The following DCDC1 variants were observed in gnomAD, a reference collection of about 807,000 sequenced individuals.
DCDC1 encodes doublecortin domain-containing protein 1.
A neutral mutation model predicts 178.3 loss-of-function variants in DCDC1; 200 were observed. That is an observed-to-expected ratio of 1.12 (90% CI 1.00 to 1.26). The LOEUF (loss-of-function observed/expected upper bound fraction) is 1.26, where lower values mean the gene tolerates loss of function less well. DCDC1 is among the 50% of genes most tolerant of loss of function. The probability of loss-of-function intolerance (pLI) is 0.00; values close to 1 mark genes in which losing one functional copy is unlikely to be tolerated. For synonymous variants in DCDC1, 690 were observed against 604.8 expected, an observed-to-expected ratio of 1.14 and a Z score of -2.07; for missense variants, 1,983 against 1,749.2, an observed-to-expected ratio of 1.13 and a Z score of -2.38.
rs564806323 is a variant in DCDC1, at chr11:31,223,222, G to A, written c.1221+18228C>T. On this transcript the variant is annotated intron_variant, in intron 9 of 38. Coordinates refer to ENST00000684477, the MANE Select transcript of DCDC1 (RefSeq NM_001387274.1). ...ATGATGTAATTATATTACAATAGGA[G>A]AATGGTTATTATGTACAATAGCACA... Among the ~76,000 whole-genome samples the A allele has an allele frequency of 7.2e-5, 11 of 152,242 alleles. 1 individual carries two copies. In the South Asian group the frequency reaches 2.3e-3, roughly 32 times the overall value.
At chr11:31,161,854 C>T (rs1966339471) in intron 9 of DCDC1, among the ~76,000 whole-genome samples, 1 of 152,126 alleles carries the variant, frequency 6.6e-6, no homozygotes, top group Non-Finnish European at 1.5e-5. Context: ...TAAATCACTA[C>T]TTATATTTAG....
At chr11:30,889,355 G>A (rs1477838792) in intron 36 of DCDC1, among the ~76,000 whole-genome samples, 1 of 152,222 alleles carries the variant, frequency 6.6e-6, no homozygotes, top group Non-Finnish European at 1.5e-5. Context: ...AGCAGTGAAA[G>A]CAGTTGAGAG....
At position 30,914,632 on chromosome 11, in the gene DCDC1, CAAAA is replaced by C. The variant is rs11355322; in HGVS notation, c.3653+875_3653+878del. Among the ~76,000 whole-genome samples the C allele has an allele frequency of 9.7e-3, 975 of 100,846 alleles. 6 individuals carry two copies. The highest frequency in any genetic ancestry group is 0.028 in the African/African-American group (788 of 27,682). 66.2% of individuals were successfully genotyped at this position (100,846 alleles called of 152,430 possible). A position where few individuals can be genotyped will look rare whatever the true frequency, so the allele number is the denominator to read the frequency against. Reference sequence around the variant, plus strand: ...ATTAAAGAAATGTTCCATATGCACCCAAAAAAAAAAAAAAAAAAAAAGAGAGAGA... The same window carrying C: ...ATTAAAGAAATGTTCCATATGCACCCAAAAAAAAAAAAAAAAAGAGAGAGA... On this transcript the variant is annotated intron_variant, in intron 27 of 38. Transcript: ENST00000684477.
chr11:31,321,425 C>T (rs1472749768), intron 3 of DCDC1, among the ~76,000 whole-genome samples: 2 of 150,560 alleles, frequency 1.3e-5, no homozygotes, highest in East Asian at 4.0e-4. Context: ...TTTCCAGGTG[C>T]GTCCGTCACC....
intron 20 of DCDC1, among the ~76,000 whole-genome samples, chr11:30,999,230 A>G (rs994262359): frequency 1.2e-4 from 18 of 152,270 alleles, no homozygotes; most frequent in Middle Eastern, 3.4e-3. Context: ...GGAAAAACTG[A>G]TGAAACCTTA....
intron 9 of DCDC1, among the ~76,000 whole-genome samples, chr11:31,170,309 A>T (rs1967052183): frequency 6.6e-6 from 1 of 152,162 alleles, no homozygotes; most frequent in Non-Finnish European, 1.5e-5. Flanking sequence ...ACCGAAAAAA[A>T]GTTGCCTTTT....
In DCDC1 at chr11:31,102,263, A is replaced by C; in HGVS notation, c.1897T>G (p.Phe633Val). 1.4e-6 allele frequency: 1 copy of C among 719,188 alleles called. No homozygotes were observed. The highest frequency in any genetic ancestry group is 1.5e-5 in the South Asian group (1 of 66,552). 44.6% of individuals were successfully genotyped at this position (719,188 alleles called of 1,614,324 possible). ...GCGNWEVCEG[F>V]PINFNCTSQQ... ...CTGGTACAGTTGAAATTAATTGGAAATCCCTCACAAACTTCCCAACTAAGA... is the reference window on the plus strand; with the variant it reads ...CTGGTACAGTTGAAATTAATTGGAACTCCCTCACAAACTTCCCAACTAAGA... The change falls in exon 15 of 39, where the codon TTT becomes GTT. Residue 633 changes from phenylalanine (F) to valine (V), a missense_variant. Physicochemically the swap from Phe to Val is conservative, Grantham distance 50. Coordinates refer to ENST00000684477, the MANE Select transcript of DCDC1 (RefSeq NM_001387274.1).
intron 20 of DCDC1, among the ~76,000 whole-genome samples, chr11:31,054,141 T>C (rs1955436424): frequency 6.6e-6 from 1 of 151,032 alleles, no homozygotes; most frequent in Non-Finnish European, 1.5e-5. Flanking sequence ...GATACAAGAT[T>C]AATGTACACA....
chr11:31,364,707 G>A (rs1386977355), intron 1 of DCDC1, among the ~76,000 whole-genome samples: 1 of 152,068 alleles, frequency 6.6e-6, no homozygotes, highest in Non-Finnish European at 1.5e-5. Flanking sequence ...TTGTCAAAAT[G>A]GCAAAGCAGA....
chr11:30,939,918 G>A (rs1213172736), intron 21 of DCDC1, among the ~76,000 whole-genome samples: 1 of 152,090 alleles, frequency 6.6e-6, no homozygotes. Context: ...TGGAAATTTT[G>A]ACTACTGATT....
intron 9 of DCDC1, among the ~76,000 whole-genome samples, chr11:31,213,109 CT>C (rs1268562984): frequency 2.1e-4 from 7 of 33,686 alleles, no homozygotes; most frequent in Non-Finnish European, 4.3e-4. Flanking sequence ...GCCTCTCTCT[CT>C]CTCTCTCTCT....
At chr11:31,326,288 G>A (rs1231151687) in intron 3 of DCDC1, among the ~76,000 whole-genome samples, 1 of 152,090 alleles carries the variant, frequency 6.6e-6, no homozygotes, top group Admixed American at 6.6e-5. Flanking sequence ...TAAAGCCAGT[G>A]TTAAACCGAC....
Position 31,253,356 on chromosome 11 carries a change from A to T in DCDC1, c.1055-11740T>A, listed in dbSNP as rs865878923. ...CGTAGATATTAGGAGAGTTTTGGAG[A>T]TTTTTTTTTTTTTTTTTTGAGATGG... On this transcript the variant is annotated intron_variant, in intron 8 of 38. Transcript: ENST00000684477. 3.9e-3 allele frequency among the ~76,000 whole-genome samples: 522 copies of T among 134,698 alleles called. 3 individuals are homozygous for T. The highest frequency in any genetic ancestry group is 6.7e-3 in the Non-Finnish European group (413 of 61,992). 88.4% of individuals were successfully genotyped at this position (134,698 alleles called of 152,430 possible).
At chr11:31,292,304 C>A (rs562830446) in intron 6 of DCDC1, among the ~76,000 whole-genome samples, 1 of 152,072 alleles carries the variant, frequency 6.6e-6, no homozygotes, top group Admixed American at 6.6e-5. Flanking sequence ...CAAGTAAGTA[C>A]ATGAACACAC....
At chr11:30,986,334 C>CTT (rs201419551) in intron 20 of DCDC1, among the ~76,000 whole-genome samples, 3 of 142,730 alleles carry the variant, frequency 2.1e-5, no homozygotes, top group African/African-American at 8.8e-5. Flanking sequence ...TTTTCTCTCT[C>CTT]TCTTTTTTTT....
At chr11:31,009,354 T>A (rs1457449610) in intron 20 of DCDC1, among the ~76,000 whole-genome samples, 3 of 152,196 alleles carry the variant, frequency 2.0e-5, no homozygotes, top group Admixed American at 1.3e-4. Context: ...CTCAAAGATA[T>A]ATTAGTTTTC....
At position 30,977,053 on chromosome 11, in the gene DCDC1, T is replaced by C. The variant is rs752520392; in HGVS notation, c.2592-24485A>G. Among the ~76,000 whole-genome samples, 5 of 152,200 alleles carry C rather than the reference T, an allele frequency of 3.3e-5. No homozygotes were observed. In the East Asian group the frequency reaches 7.7e-4, roughly 24 times the overall value. On this transcript the variant is annotated intron_variant, in intron 20 of 38. Transcript: ENST00000684477. ...GCAACATAGATGAAACTAGAGGTCA[T>C]TATGATAAGTGGAATAAGCCAGGAA...
intron 21 of DCDC1, among the ~76,000 whole-genome samples, chr11:30,936,159 G>A (rs1247926842): frequency 6.6e-6 from 1 of 152,112 alleles, no homozygotes; most frequent in African/African-American, 2.4e-5. Context: ...TTTAACCTGA[G>A]GGATGACAGG....
intron 6 of DCDC1, among the ~76,000 whole-genome samples, chr11:31,303,356 C>T (rs556777815): frequency 6.6e-6 from 1 of 152,186 alleles, no homozygotes; most frequent in South Asian, 2.1e-4. Context: ...TTAATTCTGC[C>T]AATTGATTTC....
Sources: gnomAD v4.1 joint callset for allele counts (sites outside exome capture counted in the v4.1 genomes callset) on GRCh38, gnomAD v4.1.1 for gene constraint, MANE v1.5 for transcripts, NCBI Gene and HGNC (gene_info 2026-07-23, HGNC 2026-07-21) for gene names.